The following C12orf54 variants were observed in gnomAD, a reference collection of about 807,000 sequenced individuals.
The protein encoded by C12orf54 is uncharacterized protein C12orf54.
A neutral mutation model predicts 26.4 loss-of-function variants in C12orf54; 24 were observed. The ratio of observed to expected loss-of-function variants is 0.91; its 90% CI spans 0.66 to 1.28. The LOEUF (loss-of-function observed/expected upper bound fraction) is 1.28. Ranked by LOEUF, C12orf54 falls within the 50% of genes most tolerant of loss-of-function variation. The pLI is 0.00. For synonymous variants in C12orf54, 54 were observed against 47.0 expected (o/e 1.15, Z -0.61); for missense variants, 154 against 150.9 (o/e 1.02, Z -0.11).
chr12:48,470,039 G>A, the C12orf54 span, among the ~76,000 whole-genome samples: 4 of 152,112 alleles, frequency 2.6e-5, no homozygotes, highest in African/African-American at 9.7e-5. Context: ...CATTTTTATG[G>A]CTACATGCTA....
At chr12:48,418,974 T>G in the C12orf54 span, among the ~76,000 whole-genome samples, 1 of 150,712 alleles carries the variant, frequency 6.6e-6, no homozygotes, top group Admixed American at 6.6e-5. Flanking sequence ...TTCCTGTAAC[T>G]CACTGTCCTG....
chr12:48,474,250 G>C, the C12orf54 span, among the ~76,000 whole-genome samples: 1 of 152,094 alleles, frequency 6.6e-6, no homozygotes, highest in African/African-American at 2.4e-5. Flanking sequence ...CAATTTTATG[G>C]AGCCAGGTGG....
chr12:48,469,956 G>A, the C12orf54 span, among the ~76,000 whole-genome samples: 1 of 152,124 alleles, frequency 6.6e-6, no homozygotes, highest in African/African-American at 2.4e-5. Flanking sequence ...TTGATTTTCT[G>A]TTCCTGCATT....
At chr12:48,472,971 C>T in the C12orf54 span, 2 of 1,614,114 alleles carry the variant, frequency 1.2e-6, no homozygotes, top group East Asian at 2.2e-5. Context: ...AATTAAAGAC[C>T]TCAGCACAAT....
intron 2 of C12orf54, among the ~76,000 whole-genome samples, chr12:48,485,536 G>C (rs1018937631): frequency 6.6e-6 from 1 of 152,158 alleles, no homozygotes; most frequent in African/African-American, 2.4e-5. Context: ...GAGCATGGTA[G>C]AGCAGACTGG....
intron 4 of C12orf54, chr12:48,488,252 G>C (rs562651254): frequency 1.6e-6 from 1 of 640,260 alleles, no homozygotes; most frequent in African/African-American, 1.8e-5. Flanking sequence ...AGACTGGCAG[G>C]CCTCGGCCTA....
the C12orf54 span, among the ~76,000 whole-genome samples, chr12:48,463,811 C>G: frequency 6.6e-6 from 1 of 151,956 alleles, no homozygotes. Flanking sequence ...ATCACGTAAA[C>G]AGAACTAAAG....
At chr12:48,464,976 T>A in the C12orf54 span, among the ~76,000 whole-genome samples, 1 of 152,010 alleles carries the variant, frequency 6.6e-6, no homozygotes, top group Non-Finnish European at 1.5e-5. Flanking sequence ...TATTACAACC[T>A]ACACAATACC....
the C12orf54 span, among the ~76,000 whole-genome samples, chr12:48,424,503 A>G: frequency 6.6e-6 from 1 of 151,646 alleles, no homozygotes; most frequent in African/African-American, 2.4e-5. Flanking sequence ...TAAAAATTCA[A>G]TTTTTTTATG....
chr12:48,487,934 A>G (rs1179657531), intron 4 of C12orf54: 2 of 651,636 alleles, frequency 3.1e-6, no homozygotes, highest in East Asian at 2.6e-5. Flanking sequence ...CCTGGATCCT[A>G]TAGCCGCTGA....
At chr12:48,419,854 GAA>G in the C12orf54 span, among the ~76,000 whole-genome samples, 3 of 152,064 alleles carry the variant, frequency 2.0e-5, no homozygotes, top group Non-Finnish European at 4.4e-5. Flanking sequence ...CTTTCTCTAG[GAA>G]AAGACTTCTT....
chr12:48,416,730 C>T, the C12orf54 span, among the ~76,000 whole-genome samples: 43 of 152,092 alleles, frequency 2.8e-4, no homozygotes, highest in South Asian at 3.7e-3. Context: ...GGCATGGTGG[C>T]GGGCATCTGT....
the C12orf54 span, among the ~76,000 whole-genome samples, chr12:48,475,755 G>C: frequency 3.8e-4 from 58 of 152,242 alleles, no homozygotes; most frequent in South Asian, 1.5e-3. Flanking sequence ...GTGAAAAGAC[G>C]AAATCTACAT....
At chr12:48,463,732 A>C in the C12orf54 span, among the ~76,000 whole-genome samples, 1 of 152,150 alleles carries the variant, frequency 6.6e-6, no homozygotes. Flanking sequence ...CTTAACCACC[A>C]TGATCAAGTA....
intron 1 of C12orf54, among the ~76,000 whole-genome samples, 196 bp from the exon 2 acceptor site, chr12:48,483,044 C>T (rs1954215624): frequency 6.6e-6 from 1 of 151,920 alleles, no homozygotes; most frequent in Non-Finnish European, 1.5e-5. Context: ...CTCCTCTTAC[C>T]TTCATCTTTC....
chr12:48,429,694 T>C, the C12orf54 span, among the ~76,000 whole-genome samples: 8 of 152,106 alleles, frequency 5.3e-5, no homozygotes, highest in Non-Finnish European at 1.2e-4. Context: ...ACACATCCCA[T>C]GCTCATGGAT....
At chr12:48,423,001 TATGTCACGAAG>T in the C12orf54 span, among the ~76,000 whole-genome samples, 11 of 152,158 alleles carry the variant, frequency 7.2e-5, no homozygotes, top group Non-Finnish European at 1.2e-4. Context: ...ATTGCCAAAC[TATGTCACGAAG>T]ATTTTATTTT....
the C12orf54 span, among the ~76,000 whole-genome samples, chr12:48,441,636 T>A: frequency 6.6e-6 from 1 of 152,160 alleles, no homozygotes; most frequent in Non-Finnish European, 1.5e-5. Flanking sequence ...GGAAGCATAT[T>A]GAACCATAGA....
At chr12:48,437,939 G>A in the C12orf54 span, among the ~76,000 whole-genome samples, 6 of 152,190 alleles carry the variant, frequency 3.9e-5, no homozygotes, top group Non-Finnish European at 7.4e-5. Context: ...AGGGCATTCA[G>A]TTAGGAAAAG....
Sources: gnomAD v4.1 joint callset for allele counts (sites outside exome capture counted in the v4.1 genomes callset) on GRCh38, gnomAD v4.1.1 for gene constraint, MANE v1.5 for transcripts, NCBI Gene and HGNC (gene_info 2026-07-23, HGNC 2026-07-21) for gene names.